Variants in LSAMP observed in about 807,000 individuals in gnomAD.
LSAMP encodes limbic system-associated membrane protein.
LSAMP carries 7 observed loss-of-function variants against 38.6 expected under a neutral mutation model. The ratio of observed to expected loss-of-function variants is 0.18; its 90% confidence interval spans 0.10 to 0.34. The LOEUF is 0.34. Among genes scored for constraint, LSAMP ranks in the 10% least tolerant of loss-of-function variants. The probability of loss-of-function intolerance (pLI) is 1.00; values close to 1 mark genes in which losing one functional copy is unlikely to be tolerated. For synonymous variants in LSAMP, 154 were observed against 166.8 expected (o/e 0.92, Z 0.59); for missense variants, 313 against 420.0 (o/e 0.75, Z 2.23).
At chr3:115,856,029 A>T (rs1935496897) in intron 3 of LSAMP, among the ~76,000 whole-genome samples, 1 of 152,208 alleles carries the variant, frequency 6.6e-6, no homozygotes, top group Non-Finnish European at 1.5e-5. Flanking sequence ...ACAGAAATTT[A>T]ACAGGAAATG....
At chr3:116,353,052 T>C (rs867667426) in intron 1 of LSAMP, among the ~76,000 whole-genome samples, 2 of 152,120 alleles carry the variant, frequency 1.3e-5, no homozygotes, top group Non-Finnish European at 1.5e-5. Context: ...TTTTCTCATT[T>C]GTTCTTGTGT....
intron 6 of LSAMP, among the ~76,000 whole-genome samples, chr3:115,828,266 TATC>T (rs1473647248): frequency 6.6e-6 from 1 of 152,240 alleles, no homozygotes; most frequent in African/African-American, 2.4e-5. Context: ...CTTTTTGGGT[TATC>T]ATAAGACATT....
chr3:115,965,435 ATCT>A (rs1174764958), intron 3 of LSAMP, among the ~76,000 whole-genome samples: 1 of 151,984 alleles, frequency 6.6e-6, no homozygotes, highest in Non-Finnish European at 1.5e-5. Context: ...TCATAGGAAT[ATCT>A]TATAACCATG....
intron 1 of LSAMP, among the ~76,000 whole-genome samples, chr3:116,287,606 A>G (rs1204654661): frequency 6.6e-6 from 1 of 152,220 alleles, no homozygotes; most frequent in Non-Finnish European, 1.5e-5. Context: ...AGCAAACTCC[A>G]CTAGAAGAAT....
intron 6 of LSAMP, among the ~76,000 whole-genome samples, chr3:115,819,838 G>A (rs1934169831): frequency 6.6e-6 from 1 of 152,102 alleles, no homozygotes; most frequent in Admixed American, 6.6e-5. Flanking sequence ...AAAAGAGAAT[G>A]GAATTCTTAT....
intron 1 of LSAMP, among the ~76,000 whole-genome samples, chr3:116,434,410 T>G (rs1248513924): frequency 3.3e-5 from 5 of 152,166 alleles, no homozygotes; most frequent in Non-Finnish European, 7.3e-5. Flanking sequence ...AATGCAAAGT[T>G]TAAAGTATTC....
chr3:116,077,078 T>A (rs1440797220), intron 2 of LSAMP, among the ~76,000 whole-genome samples: 1 of 151,762 alleles, frequency 6.6e-6, no homozygotes, highest in Non-Finnish European at 1.5e-5. Context: ...GTTAATATAT[T>A]TGTATTGTTA....
At chr3:116,184,339 G>A (rs1454772583) in intron 1 of LSAMP, among the ~76,000 whole-genome samples, 2 of 151,992 alleles carry the variant, frequency 1.3e-5, no homozygotes, top group East Asian at 3.9e-4. Flanking sequence ...TTACTAAGTG[G>A]AAAGACAAGG....
chr3:116,404,512 T>C (rs2048877471), intron 1 of LSAMP, among the ~76,000 whole-genome samples: 1 of 151,992 alleles, frequency 6.6e-6, no homozygotes, highest in Non-Finnish European at 1.5e-5. Flanking sequence ...TGATGGATGG[T>C]GAATGGATGA....
At chr3:116,136,424 C>T (rs984146299) in intron 1 of LSAMP, among the ~76,000 whole-genome samples, 1 of 152,080 alleles carries the variant, frequency 6.6e-6, no homozygotes. Context: ...GAACAAAATG[C>T]TATAACTCTA....
chr3:116,097,560 T>C (rs999609954), intron 1 of LSAMP, among the ~76,000 whole-genome samples: 1 of 152,216 alleles, frequency 6.6e-6, no homozygotes, highest in African/African-American at 2.4e-5. Context: ...ATGTATGCTA[T>C]AACGAAGTTA....
At chr3:116,330,241 A>G (rs915406443) in intron 1 of LSAMP, among the ~76,000 whole-genome samples, 7 of 152,134 alleles carry the variant, frequency 4.6e-5, no homozygotes, top group African/African-American at 1.7e-4. Context: ...CTTGGACAGT[A>G]AAGTGCAGTT....
chr3:116,396,371 A>G (rs2048767759), intron 1 of LSAMP, among the ~76,000 whole-genome samples: 1 of 152,072 alleles, frequency 6.6e-6, no homozygotes, highest in Non-Finnish European at 1.5e-5. Flanking sequence ...TCTTTTTTGT[A>G]ACTACTAAAA....
intron 2 of LSAMP, among the ~76,000 whole-genome samples, chr3:116,048,197 A>G (rs530724159): frequency 6.6e-6 from 1 of 152,334 alleles, no homozygotes; most frequent in South Asian, 2.1e-4. Context: ...AAGAGTATCA[A>G]TGACAGGGCT....
At chr3:115,940,312 G>C (rs867668281) in intron 3 of LSAMP, among the ~76,000 whole-genome samples, 1 of 5,686 alleles carries the variant, frequency 1.8e-4, no homozygotes, top group Non-Finnish European at 1.3e-3. Context: ...CCCCGCCCAC[G>C]TCCTACTGAT....
At chr3:116,239,826 C>G (rs926191874) in intron 1 of LSAMP, among the ~76,000 whole-genome samples, 5 of 152,020 alleles carry the variant, frequency 3.3e-5, no homozygotes, top group Admixed American at 3.3e-4. Context: ...TCTATTCTAC[C>G]ACTAATAGGG....
At chr3:116,417,286 A>AG (rs2049064352) in intron 1 of LSAMP, among the ~76,000 whole-genome samples, 1 of 152,186 alleles carries the variant, frequency 6.6e-6, no homozygotes, top group Non-Finnish European at 1.5e-5. Context: ...CTCAAAAGGA[A>AG]GGGATTCCAT....
intron 1 of LSAMP, among the ~76,000 whole-genome samples, chr3:116,125,146 A>T (rs577446094): frequency 6.6e-6 from 1 of 152,166 alleles, no homozygotes; most frequent in Non-Finnish European, 1.5e-5. Flanking sequence ...GGCTTCTCTT[A>T]TAGGGAACAA....
intron 1 of LSAMP, among the ~76,000 whole-genome samples, chr3:116,253,571 C>T (rs561707186): frequency 3.3e-5 from 5 of 152,214 alleles, no homozygotes; most frequent in African/African-American, 1.2e-4. Flanking sequence ...GCATAATAAA[C>T]CTTAATAATT....
Sources: gnomAD v4.1 joint callset for allele counts (sites outside exome capture counted in the v4.1 genomes callset) on GRCh38, gnomAD v4.1.1 for gene constraint, MANE v1.5 for transcripts, NCBI Gene and HGNC (gene_info 2026-07-23, HGNC 2026-07-21) for gene names.